The following BDP1 variants were observed in gnomAD, a reference collection of about 807,000 sequenced individuals.
The protein encoded by BDP1 is BDP1 general transcription factor IIIB subunit, also known as transcription factor TFIIIB component B'' homolog.
A neutral mutation model predicts 266.6 loss-of-function variants in BDP1; 169 were observed. That is an observed-to-expected ratio of 0.63 (90% CI 0.56 to 0.72). The LOEUF (loss-of-function observed/expected upper bound fraction) is 0.72, where lower values mean the gene tolerates loss of function less well. BDP1 is among the 30% of genes least tolerant of loss of function. The pLI is 0.00. For missense variants in BDP1, 3,015 were observed against 3,053.8 expected, an observed-to-expected ratio of 0.99 and a Z score of 0.30; for synonymous variants, 1,090 against 1,022.4, an observed-to-expected ratio of 1.07 and a Z score of -1.26.
At chr5:71,501,534 G>T (rs767924000) in intron 13 of BDP1, 28 bp from the exon 14 acceptor site, 2 of 1,305,800 alleles carry the variant, frequency 1.5e-6, no homozygotes, top group Non-Finnish European at 2.2e-6. Flanking sequence ...ATTGTAAGTA[G>T]ATAAATTGTA....
chr5:71,545,232 A>G lies in BDP1; in HGVS notation c.6744+13A>G, dbSNP rs372270590. 5.1e-5 allele frequency: 82 copies of G among 1,609,484 alleles called. No individual in the cohort carries two copies. The African/African-American group carries it at 1.0e-3, about 20-fold the overall frequency. ...TCCTGTGCCAGAGGTAAAAGAATGT[A>G]CAGTATAATAAGGGATAGCAAGGTG... On this transcript the variant is annotated intron_variant, in intron 32 of 38. Transcript: ENST00000358731.
intron 16 of BDP1, among the ~76,000 whole-genome samples, chr5:71,509,022 C>T (rs1407154691): frequency 6.6e-6 from 1 of 152,144 alleles, no homozygotes; most frequent in Non-Finnish European, 1.5e-5. Context: ...TTGGTCAAGT[C>T]ATACTTGTAT....
intron 35 of BDP1, among the ~76,000 whole-genome samples, chr5:71,555,442 C>CTTTT (rs780342284): frequency 7.2e-6 from 1 of 139,712 alleles, no homozygotes; most frequent in African/African-American, 2.6e-5. Flanking sequence ...TTTCTTTATT[C>CTTTT]TTTTTTTTTT....
Position 71,545,191 on chromosome 5 carries a change from A to G in BDP1, c.6716A>G (p.Asp2239Gly), listed in dbSNP as rs943287906. 6.2e-7 allele frequency: 1 copy of G among 1,613,868 alleles called. No homozygotes were observed. The highest frequency in any genetic ancestry group is 8.5e-7 in the Non-Finnish European group (1 of 1,179,950). ...CCCCAGATAAAGGACTCTAAAGGAG[A>G]CAGTGTGCTTACACTTCCTGTGCCA... Reference protein sequence around the residue: ...EEPQIKDSKGDSVLTLPVPEY... With the variant: ...EEPQIKDSKGGSVLTLPVPEY... Residue 2239 changes from aspartate (D) to glycine (G), a missense_variant, in exon 32 of 39, where the codon GAC becomes GGC. This residue lies in a region of BDP1 where 629 missense variants were observed against 632.5 expected (regional missense o/e 0.99). Transcript: ENST00000358731.
chr5:71,475,116 G>A (rs1215177193), intron 7 of BDP1, among the ~76,000 whole-genome samples: 2 of 151,556 alleles, frequency 1.3e-5, no homozygotes, highest in Admixed American at 6.6e-5. Flanking sequence ...ACAGAGCCTC[G>A]CTCTGTTACA....
chr5:71,523,638 TC>T (rs1166105977), intron 24 of BDP1, among the ~76,000 whole-genome samples: 1 of 152,216 alleles, frequency 6.6e-6, no homozygotes, highest in Non-Finnish European at 1.5e-5. Context: ...TATCCCTTTT[TC>T]TTCTAATAAT....
chr5:71,507,126 A>C (rs942257935), intron 16 of BDP1, among the ~76,000 whole-genome samples: 3 of 152,118 alleles, frequency 2.0e-5, no homozygotes, highest in African/African-American at 7.2e-5. Context: ...CTGGCCATGA[A>C]TATTTTATAG....
intron 22 of BDP1, 37 bp from the exon 23 acceptor site, chr5:71,522,252 A>T (rs1243219959): frequency 2.6e-6 from 4 of 1,547,662 alleles, no homozygotes; most frequent in Non-Finnish European, 3.5e-6. Context: ...AGAAATTCTG[A>T]TTTTTGTTCT....
chr5:71,571,955 A>G (rs912407407), downstream of BDP1, among the ~76,000 whole-genome samples: 1 of 152,210 alleles, frequency 6.6e-6, no homozygotes. Flanking sequence ...ACTGGAGGCT[A>G]CATGATCAAA....
In BDP1 at chr5:71,512,362, A is replaced by G. The variant is rs1264175146; in HGVS notation, c.4181A>G (p.Asp1394Gly). 1.9e-6 allele frequency: 3 copies of G among 1,598,330 alleles called. No individual in the cohort carries two copies. The highest frequency in any genetic ancestry group is 4.5e-5 in the East Asian group (2 of 44,528). ...FKISSQTHES[D>G]KTEVQGIQSP... ...ATTTCTTCACAGACTCATGAATCTG[A>G]TAAAACAGAAGTCCAGGGGATTCAA... Residue 1394 changes from aspartate to glycine, a missense_variant, in exon 18 of 39, where the codon GAT (aspartate) becomes GGT (glycine). Asp to Gly is a moderately conservative substitution (Grantham distance 94). Around this residue, in one of 3 missense-constraint regions of BDP1, gnomAD observed 2,383 missense variants for 2,404.9 expected, o/e 0.99. Transcript: ENST00000358731.
intron 25 of BDP1, among the ~76,000 whole-genome samples, chr5:71,531,211 C>T (rs571516509): frequency 6.4e-4 from 97 of 152,208 alleles, no homozygotes; most frequent in Non-Finnish European, 9.6e-4. Context: ...TGGCCATCAT[C>T]GCACCACCGC....
intron 15 of BDP1, 123 bp downstream of exon 15, chr5:71,502,914 A>AGCAAGACTCC: frequency 1.3e-6 from 1 of 763,516 alleles, no homozygotes; most frequent in Non-Finnish European, 2.0e-6. Context: ...TTTATGACGG[A>AGCAAGACTCC]GTCTTGCTCT....
In BDP1 at chr5:71,548,738, C is replaced by T. The variant is rs771319106; in HGVS notation, c.6801C>T (p.Asp2267=). ...AAGAGAATATAATCAATCCTCAAGA[C>T]CTAACAGGTATGATAATATGCTTCA... is the stretch of plus-strand genomic sequence containing the variant. The part of the protein sequence containing the change: ...VQQENIINPQ[D]LTVNLVANVP... The change falls in exon 33 of 39, where the codon GAC becomes GAT. Residue 2267 remains aspartate, a synonymous_variant. Coordinates refer to ENST00000358731, the MANE Select transcript of BDP1 (RefSeq NM_018429.3). 2.5e-6 allele frequency: 4 copies of T among 1,595,598 alleles called. No individual in the cohort carries two copies. The highest frequency in any genetic ancestry group is 1.7e-4 in the Middle Eastern group (1 of 6,022).
intron 4 of BDP1, among the ~76,000 whole-genome samples, chr5:71,464,715 GTTTTTTTT>G (rs567761591): frequency 4.5e-5 from 4 of 88,088 alleles, no homozygotes; most frequent in South Asian, 4.7e-4. Flanking sequence ...AAATTTTTTA[GTTTTTTTT>G]TTTTTTTTTT....
intron 32 of BDP1, among the ~76,000 whole-genome samples, chr5:71,546,388 G>A (rs2150574898): frequency 6.6e-6 from 1 of 152,018 alleles, no homozygotes; most frequent in South Asian, 2.1e-4. Context: ...GGAGGCCGAG[G>A]TGGGCAGATC....
intron 1 of BDP1, 99 bp from the exon 2 acceptor site, chr5:71,458,480 C>A (rs576166385): frequency 1.7e-5 from 14 of 826,762 alleles, no homozygotes; most frequent in Non-Finnish European, 2.0e-5. Context: ...TTTTTAATTA[C>A]GAGATTGCAG....
At chr5:71,562,122 T>G in intron 37 of BDP1, 152 bp from the exon 38 acceptor site, 1 of 567,268 alleles carries the variant, frequency 1.8e-6, no homozygotes, top group Non-Finnish European at 2.8e-6. Context: ...CTCTTGAACC[T>G]GGGAGGTGGA....
chr5:71,546,269 A>G lies in BDP1; in HGVS notation c.6744+1050A>G, dbSNP rs559179940. Among the ~76,000 whole-genome samples the G allele has an allele frequency of 1.3e-4, 20 of 152,242 alleles. No individual in the cohort carries two copies. In the South Asian group the frequency reaches 4.2e-3, roughly 32 times the overall value. On this transcript the variant is annotated intron_variant, in intron 32 of 38. Transcript: ENST00000358731. ...CCATACACTTCACTTTGATTCATTA[A>G]TTGTCAATATTTTGCCTCATTTGTT...
At chr5:71,559,876 G>T in intron 36 of BDP1, 106 bp from the exon 37 acceptor site, 1 of 1,112,940 alleles carries the variant, frequency 9.0e-7, no homozygotes, top group East Asian at 2.4e-5. Flanking sequence ...ACTCTTATTA[G>T]GGTAGGTTTA....
Sources: gnomAD v4.1 joint callset for allele counts (sites outside exome capture counted in the v4.1 genomes callset) on GRCh38, gnomAD v4.1.1 for gene constraint, gnomAD v4.1.1 regional missense constraint, MANE v1.5 for transcripts, NCBI Gene and HGNC (gene_info 2026-07-23, HGNC 2026-07-21) for gene names.